The following LRRK2 variants were observed in gnomAD, a reference collection of about 807,000 sequenced individuals.
LRRK2 encodes the protein leucine rich repeat kinase 2, also known as leucine-rich repeat serine/threonine-protein kinase 2.
LRRK2 carries 203 observed loss-of-function variants against 302.6 expected under a neutral mutation model. The ratio of observed to expected loss-of-function variants is 0.67; its 90% CI spans 0.60 to 0.75. The LOEUF (loss-of-function observed/expected upper bound fraction) is 0.75, where lower values mean the gene tolerates loss of function less well. Among genes scored for constraint, LRRK2 ranks in the 30% least tolerant of loss-of-function variants. LRRK2 has a pLI of 0.00. For synonymous variants in LRRK2, 1,066 were observed against 1,031.9 expected (o/e 1.03, Z -0.63); for missense variants, 2,830 against 2,951.0 (o/e 0.96, Z 0.95).
chr12:40,360,232 T>A (rs1478872326), intron 47 of LRRK2, among the ~76,000 whole-genome samples: 1 of 152,166 alleles, frequency 6.6e-6, no homozygotes, highest in Non-Finnish European at 1.5e-5. Flanking sequence ...TGTTAATATA[T>A]GGATCTTAAT....
At chr12:40,286,715 A>G (rs1943939526) in intron 19 of LRRK2, 1 of 153,348 alleles carries the variant, frequency 6.5e-6, no homozygotes, top group East Asian at 1.9e-4. Context: ...ATTTGAAGAA[A>G]TCTTCCTGGC....
intron 2 of LRRK2, among the ~76,000 whole-genome samples, chr12:40,231,475 C>T (rs1454990254): frequency 2.7e-5 from 4 of 148,774 alleles, no homozygotes; most frequent in Non-Finnish European, 1.5e-5. Context: ...GGGTGGATCA[C>T]CTAAGGACAG....
chr12:40,321,719 T>A (rs1477597779), intron 35 of LRRK2, among the ~76,000 whole-genome samples: 1 of 152,076 alleles, frequency 6.6e-6, no homozygotes, highest in Non-Finnish European at 1.5e-5. Flanking sequence ...AAGTTTTGCG[T>A]TTAGCATGAT....
At chr12:40,301,857 T>C (rs1944639806) in intron 25 of LRRK2, among the ~76,000 whole-genome samples, 1 of 152,102 alleles carries the variant, frequency 6.6e-6, no homozygotes, top group African/African-American at 2.4e-5. Context: ...TTCTTGGAGG[T>C]ACCTCATACT....
intron 40 of LRRK2, among the ~76,000 whole-genome samples, chr12:40,340,075 T>G (rs910666666): frequency 6.6e-6 from 1 of 152,238 alleles, no homozygotes; most frequent in African/African-American, 2.4e-5. Flanking sequence ...AATCATTCAC[T>G]TATCAGATTT....
chr12:40,358,246 T>A (rs529143991), intron 46 of LRRK2, among the ~76,000 whole-genome samples: 1 of 152,302 alleles, frequency 6.6e-6, no homozygotes, highest in South Asian at 2.1e-4. Context: ...ATAGTCCCAT[T>A]TGTCTAATTT....
chr12:40,346,344 C>T (rs1219983644), intron 41 of LRRK2, among the ~76,000 whole-genome samples: 1 of 152,072 alleles, frequency 6.6e-6, no homozygotes, highest in East Asian at 1.9e-4. Flanking sequence ...CTACTCATCT[C>T]TCCTGTTTTT....
At chr12:40,237,917 T>C in intron 4 of LRRK2, 52 bp from the exon 5 acceptor site, 1 of 1,570,484 alleles carries the variant, frequency 6.4e-7, no homozygotes, top group Non-Finnish European at 8.7e-7. Flanking sequence ...AATTAACACA[T>C]TAAATGTTAA....
At chr12:40,364,348 G>A (rs1295754437) in intron 48 of LRRK2, among the ~76,000 whole-genome samples, 6 of 152,006 alleles carry the variant, frequency 3.9e-5, no homozygotes, top group South Asian at 4.1e-4. Context: ...GTACCAAAAC[G>A]ATTAGGATTC....
chr12:40,337,765 C>A (rs1945918180), intron 40 of LRRK2, among the ~76,000 whole-genome samples: 1 of 152,238 alleles, frequency 6.6e-6, no homozygotes, highest in Admixed American at 6.5e-5. Context: ...CTTGGCATAG[C>A]ATCAAAGATC....
Position 40,363,494 on chromosome 12 carries a change from A to T in LRRK2, c.7121A>T (p.Glu2374Val). 1 of 1,612,082 alleles carries T rather than the reference A, an allele frequency of 6.2e-7. No homozygotes were observed. The highest frequency in any genetic ancestry group is 8.5e-7 in the Non-Finnish European group (1 of 1,178,744). The change falls in exon 48 of 51, where the codon GAA becomes GTA. Residue 2374 changes from glutamate (E) to valine (V), a missense_variant. By Grantham distance (121) the Glu-to-Val change is moderately radical (BLOSUM62 -2). This residue lies in a region of LRRK2 where 456 missense variants were observed against 456.3 expected (regional missense o/e 1.00). Coordinates refer to ENST00000298910, the MANE Select transcript of LRRK2 (RefSeq NM_198578.4). Reference protein sequence around the residue: ...YIAKQNSPVVEVWDKKTEKLC... With the variant: ...YIAKQNSPVVVVWDKKTEKLC... ...GCTAAGCAAAATAGCCCTGTTGTGGAAGTGTGGGATAAGAAAACTGAAAAA... is the reference window on the plus strand; with the variant it reads ...GCTAAGCAAAATAGCCCTGTTGTGGTAGTGTGGGATAAGAAAACTGAAAAA...
Position 40,242,804 on chromosome 12 carries a change from C to CAAAAAAAA in LRRK2, c.707-740_707-733dup, listed in dbSNP as rs35987733. Reference sequence around the variant, plus strand: ...TAAAAGTGTTCCTATTTCTCCACATCAAAAAAAAAAAAAGGTAAGCAATAT... The same window carrying CAAAAAAAA: ...TAAAAGTGTTCCTATTTCTCCACATCAAAAAAAAAAAAAAAAAAAAAGGTAAGCAATAT... On this transcript the variant is annotated intron_variant, in intron 6 of 50. Transcript: ENST00000298910. 6.0e-4 allele frequency among the ~76,000 whole-genome samples: 12 copies of CAAAAAAAA among 20,024 alleles called. 3 individuals carry two copies. The highest frequency in any genetic ancestry group is 1.7e-3 in the Admixed American group (3 of 1,800). The allele number at this position is 20,024 out of a possible 152,430, so 13.1% of individuals were successfully genotyped here.
At position 40,259,484 on chromosome 12, in the gene LRRK2, A is replaced by G. The variant is rs1454198275; in HGVS notation, c.1423A>G (p.Thr475Ala). The G allele has an allele frequency of 2.5e-6, 4 of 1,613,054 alleles. No homozygotes were observed. Among genetic ancestry groups the G allele is most frequent in the Non-Finnish European group, 2.5e-6 (3 of 1,179,384 alleles). The change falls in exon 13 of 51, where the codon ACT (threonine) becomes GCT (alanine). Residue 475 changes from threonine to alanine, a missense_variant. By Grantham distance (58) the Thr-to-Ala change is moderately conservative. Coordinates refer to ENST00000298910, the MANE Select transcript of LRRK2 (RefSeq NM_198578.4). The stretch of plus-strand genomic sequence containing the variant: ...ATGCCAATTTTATATCCCCAGCAAC[A>G]CTTCCCTGGATATAATGGCAGCAGT... ...MLNHLFEGSNTSLDIMAAVVP... is the reference protein window; with the variant it reads ...MLNHLFEGSNASLDIMAAVVP...
chr12:40,301,860 C>T (rs1944639900), intron 25 of LRRK2, among the ~76,000 whole-genome samples: 1 of 152,006 alleles, frequency 6.6e-6, no homozygotes, highest in Non-Finnish European at 1.5e-5. Context: ...TTGGAGGTAC[C>T]TCATACTGCA....
intron 44 of LRRK2, among the ~76,000 whole-genome samples, chr12:40,353,902 C>G (rs1472700205): frequency 6.6e-6 from 1 of 152,136 alleles, no homozygotes; most frequent in Non-Finnish European, 1.5e-5. Flanking sequence ...GAGAATCAGG[C>G]AGGGAGGTTG....
At chr12:40,267,547 G>T in intron 14 of LRRK2, among the ~76,000 whole-genome samples, 1 of 152,202 alleles carries the variant, frequency 6.6e-6, no homozygotes, top group African/African-American at 2.4e-5. Context: ...CTCAGCAGTC[G>T]GGAGCCAAGA....
chr12:40,313,424 C>T (rs1335417911), intron 31 of LRRK2, among the ~76,000 whole-genome samples: 1 of 152,012 alleles, frequency 6.6e-6, no homozygotes, highest in East Asian at 1.9e-4. Flanking sequence ...CTCATTTTCC[C>T]AAGTTCAAGG....
At chr12:40,227,637 A>AT (rs1192760262) in intron 2 of LRRK2, among the ~76,000 whole-genome samples, 3 of 152,180 alleles carry the variant, frequency 2.0e-5, no homozygotes, top group East Asian at 1.9e-4. Context: ...ACAGGATTTC[A>AT]TTTTTTATGA....
At chr12:40,254,900 A>C (rs189850051) in intron 11 of LRRK2, among the ~76,000 whole-genome samples, 128 of 152,234 alleles carry the variant, frequency 8.4e-4, no homozygotes, top group Non-Finnish European at 1.5e-4. Context: ...TCGTTCATCA[A>C]CTTTCTTGGG....
Sources: gnomAD v4.1 joint callset for allele counts (sites outside exome capture counted in the v4.1 genomes callset) on GRCh38, gnomAD v4.1.1 for gene constraint, gnomAD v4.1.1 regional missense constraint, MANE v1.5 for transcripts, NCBI Gene and HGNC (gene_info 2026-07-23, HGNC 2026-07-21) for gene names.